Variants in NINL observed in about 807,000 individuals in gnomAD.
NINL encodes the protein ninein like.
In NINL, 153 loss-of-function variants were observed where a neutral mutation model predicts 160.3. The ratio of observed to expected loss-of-function variants is 0.95; its 90% CI spans 0.84 to 1.09. The LOEUF is 1.09. Among genes scored for constraint, NINL ranks in the 50% least tolerant of loss-of-function variants. The pLI, the probability that NINL is intolerant of heterozygous loss-of-function variation, is 0.00. For missense variants in NINL, 1,829 were observed against 1,764.0 expected (o/e 1.04, Z -0.66); for synonymous variants, 800 against 734.8 (o/e 1.09, Z -1.43).
intron 18 of NINL, among the ~76,000 whole-genome samples, chr20:25,468,492 C>T (rs1489748705): frequency 5.8e-5 from 8 of 138,604 alleles, no homozygotes; most frequent in Admixed American, 2.2e-4. Context: ...GGGGCACCCC[C>T]CTGCCCTGTC....
At chr20:25,560,161 C>G (rs1188418937) in intron 1 of NINL, among the ~76,000 whole-genome samples, 1 of 152,170 alleles carries the variant, frequency 6.6e-6, no homozygotes, top group South Asian at 2.1e-4. Context: ...CCAGGCTGGT[C>G]TCCAACTCTT....
intron 8 of NINL, among the ~76,000 whole-genome samples, chr20:25,499,511 G>A (rs992179470): frequency 2.6e-5 from 4 of 152,048 alleles, no homozygotes; most frequent in Non-Finnish European, 5.9e-5. Context: ...GTGGAGTCAG[G>A]TGTCGGGCAT....
At chr20:25,466,287 G>T (rs2062910834) in intron 19 of NINL, among the ~76,000 whole-genome samples, 2 of 151,996 alleles carry the variant, frequency 1.3e-5, no homozygotes, top group Admixed American at 6.6e-5. Flanking sequence ...CTCCCAAAAT[G>T]CAGGGATTAT....
Position 25,575,220 on chromosome 20 carries a change from G to T in NINL, c.-12+10235C>A, listed in dbSNP as rs183725863. On this transcript the variant is annotated intron_variant, in intron 1 of 23. Coordinates refer to ENST00000278886, the MANE Select transcript of NINL (RefSeq NM_025176.6). ...TCCCAGCACTTTGGGAGGCCGAGGC[G>T]GGCGGATCATGAGGTCAGGAGATCG... 3.6e-3 allele frequency among the ~76,000 whole-genome samples: 547 copies of T among 151,922 alleles called. 4 individuals are homozygous for T. Among genetic ancestry groups the T allele is most frequent in the African/African-American group, 0.013 (525 of 41,420 alleles).
At chr20:25,477,112 C>T (rs1398954057) in intron 16 of NINL, 23 bp from the exon 17 acceptor site, 2 of 1,557,094 alleles carry the variant, frequency 1.3e-6, no homozygotes, top group East Asian at 2.3e-5. Context: ...AACCGTCACA[C>T]ACCACAGCCC....
intron 11 of NINL, 114 bp from the exon 12 acceptor site, chr20:25,490,099 A>C: frequency 2.1e-6 from 2 of 946,494 alleles, no homozygotes; most frequent in Non-Finnish European, 3.3e-6. Flanking sequence ...AAGAACCCCC[A>C]CCCACCGCAG....
chr20:25,540,355 T>C (rs985870413), intron 1 of NINL, among the ~76,000 whole-genome samples: 11 of 152,248 alleles, frequency 7.2e-5, no homozygotes, highest in Non-Finnish European at 5.9e-5. Context: ...ACAAACTGGA[T>C]GCTGCCCCAG....
intron 19 of NINL, among the ~76,000 whole-genome samples, chr20:25,466,799 C>CA (rs1052254089): frequency 4.6e-5 from 7 of 151,360 alleles, no homozygotes; most frequent in Non-Finnish European, 7.4e-5. Context: ...TAATGTGTCT[C>CA]AAAAAAAACC....
At chr20:25,496,842 T>C (rs377047098) in intron 9 of NINL, 39 bp from the exon 10 acceptor site, 1 of 1,604,610 alleles carries the variant, frequency 6.2e-7, no homozygotes, top group Non-Finnish European at 8.5e-7. Context: ...GGGACCCCAC[T>C]GCTGGCCTGA....
At position 25,452,889 on chromosome 20, in the gene NINL, A is replaced by C. The variant is rs576134283; in HGVS notation, c.*562T>G. 6.6e-6 allele frequency: 1 copy of C among 152,518 alleles called. No homozygotes were observed. Among genetic ancestry groups the C allele is most frequent in the African/African-American group, 2.4e-5 (1 of 41,386 alleles). 9.4% of individuals were successfully genotyped at this position (152,518 alleles called of 1,614,324 possible). A position where few individuals can be genotyped will look rare whatever the true frequency, so the allele number is the denominator to read the frequency against. On this transcript the variant is annotated 3_prime_UTR_variant, in exon 24 of 24. Coordinates refer to ENST00000278886, the MANE Select transcript of NINL (RefSeq NM_025176.6). The stretch of plus-strand genomic sequence containing the variant: ...GGAAAAAGATTGTGCATTTGCAATA[A>C]ACACCATCATTCCTGAGTCCACAGA...
intron 1 of NINL, among the ~76,000 whole-genome samples, chr20:25,557,895 G>A (rs936566672): frequency 2.6e-5 from 4 of 151,690 alleles, no homozygotes; most frequent in Admixed American, 2.6e-4. Flanking sequence ...TTGGAAGGCC[G>A]AGGCGGGCAG....
chr20:25,453,501 C>G lies in NINL; in HGVS notation c.4099G>C (p.Ala1367Pro), dbSNP rs1474968202. 6.2e-7 allele frequency: 1 copy of G among 1,613,934 alleles called. No individual in the cohort carries two copies. Among genetic ancestry groups the G allele is most frequent in the Non-Finnish European group, 8.5e-7 (1 of 1,179,912 alleles). ...ATCCTACTGACGAGTTTGTTGAGAG[C>G]GCGAACTTTTTCTTCCAAGAGGCGG... The part of the protein sequence containing the change: ...QSRLLEEKVR[A>P]LNKLVSRIAP... The change falls in exon 24 of 24, where the codon GCT (alanine) becomes CCT (proline). Residue 1367 changes from alanine (A) to proline (P), a missense_variant. Physicochemically the swap from Ala to Pro is conservative, Grantham distance 27. Transcript: ENST00000278886.
At chr20:25,484,720 G>C (rs1435185787) in intron 13 of NINL, among the ~76,000 whole-genome samples, 1 of 152,210 alleles carries the variant, frequency 6.6e-6, no homozygotes, top group African/African-American at 2.4e-5. Flanking sequence ...ATGTGGAGGG[G>C]CTGCTAAGCA....
At chr20:25,568,237 A>C (rs948178793) in intron 1 of NINL, among the ~76,000 whole-genome samples, 18 of 151,862 alleles carry the variant, frequency 1.2e-4, no homozygotes, top group Non-Finnish European at 2.6e-4. Context: ...GATCTCAAAA[A>C]AAAAAAGACA....
At chr20:25,552,135 T>C (rs1441652787) in intron 1 of NINL, among the ~76,000 whole-genome samples, 3 of 152,198 alleles carry the variant, frequency 2.0e-5, no homozygotes, top group Non-Finnish European at 4.4e-5. Flanking sequence ...GCATAACCAG[T>C]TGGCGGGGTG....
chr20:25,503,976 C>A lies in NINL; in HGVS notation c.837G>T (p.Pro279=), dbSNP rs750446157. 6.2e-7 allele frequency: 1 copy of A among 1,614,120 alleles called. No individual in the cohort carries two copies. Among genetic ancestry groups the A allele is most frequent in the East Asian group, 2.2e-5 (1 of 44,890 alleles). Residue 279 remains proline, a synonymous_variant, in exon 7 of 24, where the codon CCG becomes CCT. Transcript: ENST00000278886. ...CCTGGTAATGAGACCAAGCCTTGCT[C>A]GGTTTAACCCGAGTGGAAGACTCTA... ...LLLESSTRVK[P]SKAWSHYQVP...
chr20:25,454,483 G>A (rs959413070), intron 23 of NINL, among the ~76,000 whole-genome samples: 7 of 152,262 alleles, frequency 4.6e-5, no homozygotes, highest in East Asian at 3.9e-4. Context: ...GAGAGGGACC[G>A]GGGGCACCAG....
chr20:25,498,430 C>T, intron 8 of NINL, 84 bp from the exon 9 acceptor site: 3 of 1,533,152 alleles, frequency 2.0e-6, no homozygotes, highest in Non-Finnish European at 2.6e-6. Context: ...TGATCCAGGG[C>T]CTAGCCCAGC....
chr20:25,543,887 T>C (rs960252776), intron 1 of NINL, among the ~76,000 whole-genome samples: 1 of 147,364 alleles, frequency 6.8e-6, no homozygotes, highest in Admixed American at 6.7e-5. Context: ...GAGAAGATTC[T>C]ACATGCAGGC....
Sources: allele counts gnomAD v4.1 joint callset (sites outside exome capture counted in the v4.1 genomes callset), GRCh38; gene constraint gnomAD v4.1.1; transcripts MANE v1.5; gene names NCBI Gene and HGNC (gene_info 2026-07-23, HGNC 2026-07-21).